Variants in TMPRSS4 observed in about 807,000 individuals in gnomAD.
The protein encoded by TMPRSS4 is transmembrane protease serine 4.
In TMPRSS4, 45 loss-of-function variants were observed where a neutral mutation model predicts 56.4. The observed-to-expected ratio is 0.80, with a 90% CI of 0.63 to 1.02. TMPRSS4 has a LOEUF of 1.02. Among genes scored for constraint, TMPRSS4 ranks in the 50% least tolerant of loss-of-function variants. TMPRSS4 has a pLI of 0.00. For synonymous variants in TMPRSS4, 205 were observed against 211.0 expected (o/e 0.97, Z 0.25); for missense variants, 546 against 556.7 (o/e 0.98, Z 0.19).
At chr11:118,077,406 A>G in intron 1 of TMPRSS4, 101 bp downstream of exon 1, 1 of 1,391,114 alleles carries the variant, frequency 7.2e-7, no homozygotes. Context: ...GAATTCTGTG[A>G]CACCTTCTAG....
intron 1 of TMPRSS4, among the ~76,000 whole-genome samples, chr11:118,092,956 C>G (rs567702809): frequency 1.3e-5 from 2 of 152,240 alleles, no homozygotes; most frequent in East Asian, 3.9e-4. Flanking sequence ...TTTTATTGTC[C>G]CCACTCTACA....
In TMPRSS4 at chr11:118,094,804, T is replaced by C. The variant is rs1490131892; in HGVS notation, c.4-12T>C. Reference sequence around the variant, plus strand: ...GCTCCCTGCCTCAACTCACTGACTGTTTTTCCTTCAATTACAGGATCCTGA... The same window carrying C: ...GCTCCCTGCCTCAACTCACTGACTGCTTTTCCTTCAATTACAGGATCCTGA... On this transcript the variant is annotated splice_polypyrimidine_tract_variant and intron_variant, in intron 1 of 12. Coordinates refer to ENST00000437212, the MANE Select transcript of TMPRSS4 (RefSeq NM_019894.4). 6.2e-7 allele frequency: 1 copy of C among 1,610,264 alleles called. No homozygotes were observed.
intron 7 of TMPRSS4, among the ~76,000 whole-genome samples, chr11:118,109,221 G>A (rs1947158338): frequency 6.6e-6 from 1 of 152,184 alleles, no homozygotes; most frequent in South Asian, 2.1e-4. Context: ...CCTGGTCCGG[G>A]CCCACATAGC....
chr11:118,104,709 G>A lies in TMPRSS4; in HGVS notation c.329G>A (p.Arg110Gln), dbSNP rs772088515. The A allele has an allele frequency of 6.8e-6, 11 of 1,614,002 alleles. No homozygotes were observed. Among genetic ancestry groups the A allele is most frequent in the South Asian group, 2.2e-5 (2 of 91,066 alleles). The change falls in exon 5 of 13, where the codon CGA (arginine) becomes CAA (glutamine). Residue 110 changes from arginine to glutamine, a missense_variant. Arg to Gln is a conservative substitution (Grantham distance 43, BLOSUM62 1). Transcript: ENST00000437212. ...CTCCCAGTCCGCCTCTCCAAGGACC[G>A]ATCCACACTGCAGGTGCTGGACTCG... ...PAVAVRLSKD[R>Q]STLQVLDSAT... is the part of the protein sequence containing the mutation.
intron 4 of TMPRSS4, 22 bp from the exon 5 acceptor site, chr11:118,104,669 A>G: frequency 1.2e-6 from 2 of 1,613,976 alleles, no homozygotes; most frequent in Non-Finnish European, 1.7e-6. Flanking sequence ...GTTCCATCTA[A>G]CTCAGGTTCC....
intron 1 of TMPRSS4, among the ~76,000 whole-genome samples, chr11:118,077,764 C>A (rs1246881711): frequency 1.3e-5 from 2 of 152,042 alleles, no homozygotes; most frequent in Non-Finnish European, 2.9e-5. Context: ...GTAGTCCCAG[C>A]ACTTTGCGAG....
At chr11:118,077,431 C>T (rs1385291148) in intron 1 of TMPRSS4, 126 bp downstream of exon 1, 17 of 1,193,920 alleles carry the variant, frequency 1.4e-5, no homozygotes, top group Non-Finnish European at 2.0e-5. Flanking sequence ...AAAAAAGAGG[C>T]CACACCCAAA....
chr11:118,111,308 G>A (rs1947264962), intron 7 of TMPRSS4, among the ~76,000 whole-genome samples: 1 of 152,144 alleles, frequency 6.6e-6, no homozygotes, highest in Admixed American at 6.5e-5. Context: ...GGAGAAGGGG[G>A]AGTTTTGGAT....
chr11:118,097,611 A>G (rs2135373828), intron 2 of TMPRSS4, among the ~76,000 whole-genome samples: 1 of 152,274 alleles, frequency 6.6e-6, no homozygotes, highest in East Asian at 1.9e-4. Context: ...AACTTTGCCT[A>G]TGTTTTCCCT....
intron 3 of TMPRSS4, among the ~76,000 whole-genome samples, chr11:118,101,158 A>G (rs1030232427): frequency 6.6e-6 from 1 of 152,220 alleles, no homozygotes; most frequent in African/African-American, 2.4e-5. Flanking sequence ...CTACACTGGA[A>G]GCACTGTGTG....
rs1043390539 is a variant in TMPRSS4, at chr11:118,119,639, G to T, written c.*1726G>T. 1.3e-5 allele frequency: 2 copies of T among 152,310 alleles called. No homozygotes were observed. The highest frequency in any genetic ancestry group is 4.8e-5 in the African/African-American group (2 of 41,416). 9.4% of individuals were successfully genotyped at this position (152,310 alleles called of 1,614,324 possible). A position where few individuals can be genotyped will look rare whatever the true frequency, so the allele number is the denominator to read the frequency against. Reference sequence around the variant, plus strand: ...ATACTCACAGAAATCTGTGAGATGGGTATTATTCTTATCCTCACTCTATGG... The same window carrying T: ...ATACTCACAGAAATCTGTGAGATGGTTATTATTCTTATCCTCACTCTATGG... On this transcript the variant is annotated 3_prime_UTR_variant, in exon 13 of 13. Transcript: ENST00000437212.
At chr11:118,103,320 C>A in intron 4 of TMPRSS4, 67 bp downstream of exon 4, 8 of 1,562,976 alleles carry the variant, frequency 5.1e-6, no homozygotes, top group Non-Finnish European at 7.0e-6. Context: ...CCCCCACGGC[C>A]CACTGCATAG....
intron 4 of TMPRSS4, among the ~76,000 whole-genome samples, chr11:118,104,354 C>T (rs1464677993): frequency 6.6e-6 from 1 of 152,144 alleles, no homozygotes; most frequent in Non-Finnish European, 1.5e-5. Context: ...ACAATTTAAA[C>T]AAGCTGTATA....
At chr11:118,125,484 A>G (rs571191352), downstream of TMPRSS4, among the ~76,000 whole-genome samples, 2 of 152,238 alleles carry the variant, frequency 1.3e-5, no homozygotes, top group African/African-American at 4.8e-5. Flanking sequence ...TTGAACCCCC[A>G]AATAAAGTGT....
At chr11:118,100,152 G>T (rs990015836) in intron 3 of TMPRSS4, among the ~76,000 whole-genome samples, 1 of 152,062 alleles carries the variant, frequency 6.6e-6, no homozygotes, top group Non-Finnish European at 1.5e-5. Flanking sequence ...CTCAGTCTCC[G>T]CACCTGTAAA....
chr11:118,077,256 A>G lies in TMPRSS4; in HGVS notation c.-47A>G, dbSNP rs1230540788. 5.0e-6 allele frequency: 8 copies of G among 1,589,548 alleles called. No homozygotes were observed. In the African/African-American group the frequency reaches 6.7e-5, roughly 13 times the overall value. On this transcript the variant is annotated 5_prime_UTR_variant, in exon 1 of 13. Coordinates refer to ENST00000437212, the MANE Select transcript of TMPRSS4 (RefSeq NM_019894.4). ...GCCCTCCTGCTGCCTTGGGGTGACAATCTCAGCTCCAGGCTACAGGGAGAC... is the reference window on the plus strand; with the variant it reads ...GCCCTCCTGCTGCCTTGGGGTGACAGTCTCAGCTCCAGGCTACAGGGAGAC...
At position 118,114,888 on chromosome 11, in the gene TMPRSS4, C is replaced by G. The variant is rs1391673898; in HGVS notation, c.970C>G (p.Leu324Val). 3.2e-5 allele frequency: 52 copies of G among 1,608,222 alleles called. No individual in the cohort carries two copies. In the East Asian group the frequency reaches 1.2e-3, roughly 36 times the overall value. The change falls in exon 10 of 13, where the codon CTC (leucine) becomes GTC (valine). Residue 324 changes from leucine to valine, a missense_variant. Coordinates refer to ENST00000437212, the MANE Select transcript of TMPRSS4 (RefSeq NM_019894.4). ...TGAGGAGCTCACTCCAGCCACCCCA[C>G]TCTGGATCATTGGATGGGGCTTTAC... ...FDEELTPATP[L>V]WIIGWGFTKQ... is the part of the protein sequence containing the mutation.
intron 9 of TMPRSS4, among the ~76,000 whole-genome samples, chr11:118,114,505 G>A (rs969415909): frequency 3.9e-5 from 6 of 152,198 alleles, no homozygotes; most frequent in Admixed American, 3.9e-4. Context: ...GCTCAGGATT[G>A]GATAGTGTGG....
chr11:118,091,510 C>G (rs1174311342), intron 1 of TMPRSS4, among the ~76,000 whole-genome samples: 1 of 152,126 alleles, frequency 6.6e-6, no homozygotes, highest in Non-Finnish European at 1.5e-5. Context: ...CTGTCCTCCC[C>G]CTTCCCCTAG....
Sources: allele counts gnomAD v4.1 joint callset (sites outside exome capture counted in the v4.1 genomes callset), GRCh38; gene constraint gnomAD v4.1.1; transcripts MANE v1.5; gene names NCBI Gene and HGNC (gene_info 2026-07-23, HGNC 2026-07-21).